PIK3AP1: variants seen among roughly 807,000 people sequenced by gnomAD.
The protein encoded by PIK3AP1 is phosphoinositide 3-kinase adapter protein 1.
In PIK3AP1, 21 loss-of-function variants were observed where a neutral mutation model predicts 88.1. The ratio of observed to expected loss-of-function variants is 0.24; its 90% CI spans 0.17 to 0.34. The LOEUF (loss-of-function observed/expected upper bound fraction) is 0.34, where lower values mean the gene tolerates loss of function less well. Among genes scored for constraint, PIK3AP1 ranks in the 10% least tolerant of loss-of-function variants. The pLI is 1.00. For missense variants in PIK3AP1, 828 were observed against 1,035.7 expected (o/e 0.80, Z 2.75); for synonymous variants, 398 against 400.0 (o/e 1.00, Z 0.06).
intron 14 of PIK3AP1, among the ~76,000 whole-genome samples, chr10:96,608,505 A>G (rs1849041388): frequency 1.3e-5 from 2 of 152,200 alleles, no homozygotes; most frequent in Admixed American, 1.3e-4. Flanking sequence ...GAGGGCAGAG[A>G]AAGGAGCTAG....
intron 2 of PIK3AP1, among the ~76,000 whole-genome samples, chr10:96,680,960 G>A (rs190947474): frequency 3.4e-4 from 52 of 152,330 alleles, no homozygotes; most frequent in Non-Finnish European, 5.9e-4. Flanking sequence ...AGTCACCTAC[G>A]AGTGTTATCC....
chr10:96,619,489 A>G (rs892299041), intron 12 of PIK3AP1: 1 of 152,264 alleles, frequency 6.6e-6, no homozygotes, highest in African/African-American at 2.4e-5. Flanking sequence ...GGAGAGAGAA[A>G]GCAATAGTTC....
intron 4 of PIK3AP1, 110 bp from the exon 5 acceptor site, chr10:96,651,761 G>A (rs1843541867): frequency 3.9e-6 from 5 of 1,294,142 alleles, no homozygotes; most frequent in East Asian, 2.5e-5. Context: ...CTAATTGGGG[G>A]CTGGAAGAAA....
chr10:96,615,769 C>T (rs7100145), intron 13 of PIK3AP1, among the ~76,000 whole-genome samples: 7,071 of 152,178 alleles, frequency 0.046, 494 homozygotes, highest in African/African-American at 0.16. Context: ...AAGGGGTCCA[C>T]GGCAGGAGAG....
intron 13 of PIK3AP1, among the ~76,000 whole-genome samples, chr10:96,615,214 T>C (rs1849194115): frequency 6.6e-6 from 1 of 151,870 alleles, no homozygotes; most frequent in Non-Finnish European, 1.5e-5. Context: ...TGGGGGAGAA[T>C]GGAGGATGAG....
chr10:96,671,636 T>C (rs1441067020), intron 2 of PIK3AP1, among the ~76,000 whole-genome samples: 1 of 152,146 alleles, frequency 6.6e-6, no homozygotes, highest in Non-Finnish European at 1.5e-5. Flanking sequence ...TGTGAGTTAA[T>C]TAAAGTGACA....
Position 96,709,848 on chromosome 10 carries a change from TCGG to T in PIK3AP1, c.146_148del (p.Pro49_Glu50delinsGln). ...TAGGTCCTCTGCCGAGAAGGAGGCC[TCGG>T]GGCCCAGCCTGTGAGTCAGTATCTT... On this transcript the variant is annotated inframe_deletion, in exon 2 of 17. Transcript: ENST00000339364. 1 of 1,613,914 alleles carries T rather than the reference TCGG, an allele frequency of 6.2e-7. No homozygotes were observed. The highest frequency in any genetic ancestry group is 8.5e-7 in the Non-Finnish European group (1 of 1,179,984).
At chr10:96,674,019 G>T (rs757947357) in intron 2 of PIK3AP1, among the ~76,000 whole-genome samples, 1 of 152,170 alleles carries the variant, frequency 6.6e-6, no homozygotes, top group African/African-American at 2.4e-5. Context: ...ACCGTGAAAG[G>T]CTGCATCTGG....
intron 2 of PIK3AP1, among the ~76,000 whole-genome samples, chr10:96,694,890 A>T (rs1472425817): frequency 5.9e-5 from 9 of 151,748 alleles, no homozygotes; most frequent in African/African-American, 1.7e-4. Flanking sequence ...CCCATCAAAG[A>T]CTCTAAAGCT....
Position 96,595,439 on chromosome 10 carries a change from G to A in PIK3AP1, c.*138C>T, listed in dbSNP as rs1848738181. The A allele has an allele frequency of 1.0e-6, 1 of 963,818 alleles. No homozygotes were observed. Among genetic ancestry groups the A allele is most frequent in the South Asian group, 1.6e-5 (1 of 62,458 alleles). 59.7% of individuals were successfully genotyped at this position (963,818 alleles called of 1,614,324 possible). ...TCTTCGAGGCAAGCCCAAACCAGCA[G>A]GGCTGCAGCATTATCAGCAATGAGA... On this transcript the variant is annotated 3_prime_UTR_variant, in exon 17 of 17. Coordinates refer to ENST00000339364, the MANE Select transcript of PIK3AP1 (RefSeq NM_152309.3).
chr10:96,638,332 C>T (rs577320120), intron 8 of PIK3AP1, among the ~76,000 whole-genome samples: 2 of 152,240 alleles, frequency 1.3e-5, no homozygotes, highest in South Asian at 4.2e-4. Flanking sequence ...AAGATGCCAG[C>T]ACCATGCTCT....
chr10:96,628,903 T>C lies in PIK3AP1; in HGVS notation c.1376-410A>G, dbSNP rs61858224. ...ATATATATATACATATATATATATA[T>C]ATATGTGTATATATATATATATATA... On this transcript the variant is annotated intron_variant, in intron 8 of 16. Transcript: ENST00000339364. 9.7e-4 allele frequency among the ~76,000 whole-genome samples: 17 copies of C among 17,436 alleles called. 1 individual carries two copies. In the East Asian group the frequency reaches 0.014, roughly 14 times the overall value. 11.4% of individuals were successfully genotyped at this position (17,436 alleles called of 152,430 possible).
chr10:96,703,155 G>T (rs1844321344), intron 2 of PIK3AP1, among the ~76,000 whole-genome samples: 2 of 152,200 alleles, frequency 1.3e-5, no homozygotes, highest in Admixed American at 1.3e-4. Context: ...TAGAATTACA[G>T]TTGTGAGCCA....
chr10:96,632,885 C>T (rs747307965), intron 8 of PIK3AP1: 4 of 1,611,760 alleles, frequency 2.5e-6, no homozygotes, highest in Non-Finnish European at 2.5e-6. Flanking sequence ...CATTCAGACT[C>T]ACAAGATGAC....
At chr10:96,623,709 C>A (rs561471345) in intron 10 of PIK3AP1, among the ~76,000 whole-genome samples, 172 bp from the exon 11 acceptor site, 1 of 152,240 alleles carries the variant, frequency 6.6e-6, no homozygotes, top group Admixed American at 6.5e-5. Flanking sequence ...GCAGACTAAA[C>A]AGACACAATC....
At chr10:96,641,061 CT>C (rs1195917077) in intron 8 of PIK3AP1, among the ~76,000 whole-genome samples, 1 of 150,776 alleles carries the variant, frequency 6.6e-6, no homozygotes, top group Non-Finnish European at 1.5e-5. Flanking sequence ...GGCAGCATAT[CT>C]AAACTAAAGA....
At chr10:96,675,707 GATT>G (rs2134258183) in intron 2 of PIK3AP1, among the ~76,000 whole-genome samples, 1 of 152,304 alleles carries the variant, frequency 6.6e-6, no homozygotes, top group Admixed American at 6.5e-5. Flanking sequence ...ATAAAATAGA[GATT>G]ATAATTCCTA....
intron 11 of PIK3AP1, 139 bp downstream of exon 11, chr10:96,623,333 G>T (rs1191797549): frequency 1.3e-6 from 1 of 789,030 alleles, no homozygotes; most frequent in Non-Finnish European, 2.0e-6. Context: ...AAAGTGCTGG[G>T]ACTACAGGCG....
At chr10:96,627,989 T>C (rs1296315316) in intron 9 of PIK3AP1, among the ~76,000 whole-genome samples, 1 of 152,216 alleles carries the variant, frequency 6.6e-6, no homozygotes. Context: ...TATCTTTGTT[T>C]ATATTTGCCT....
Sources: gnomAD v4.1 joint callset for allele counts (sites outside exome capture counted in the v4.1 genomes callset) on GRCh38, gnomAD v4.1.1 for gene constraint, MANE v1.5 for transcripts, NCBI Gene and HGNC (gene_info 2026-07-23, HGNC 2026-07-21) for gene names.